The following ASCC3 variants were observed in gnomAD, a reference collection of about 807,000 sequenced individuals.
ASCC3 encodes ASC-1 complex subunit P200.
ASCC3 carries 158 observed loss-of-function variants against 256.3 expected under a neutral mutation model. The observed-to-expected ratio is 0.62, with a 90% confidence interval of 0.54 to 0.70. ASCC3 has a LOEUF of 0.70. Ranked by LOEUF, ASCC3 falls within the 30% of genes least tolerant of loss-of-function variation. The pLI, the probability that ASCC3 is intolerant of heterozygous loss-of-function variation, is 0.00. For synonymous variants in ASCC3, 948 were observed against 883.4 expected (o/e 1.07, Z -1.30); for missense variants, 2,259 against 2,626.0 (o/e 0.86, Z 3.05).
intron 8 of ASCC3, among the ~76,000 whole-genome samples, chr6:100,796,201 T>A (rs1203242296): frequency 6.6e-6 from 1 of 152,198 alleles, no homozygotes; most frequent in Non-Finnish European, 1.5e-5. Context: ...CACCAAATGC[T>A]GGTTAGTATG....
At chr6:100,750,347 C>T (rs1285676864) in intron 10 of ASCC3, among the ~76,000 whole-genome samples, 2 of 151,780 alleles carry the variant, frequency 1.3e-5, no homozygotes, top group Non-Finnish European at 2.9e-5. Flanking sequence ...TGGAGAATGC[C>T]CTTATGTTTT....
At chr6:100,647,818 T>C (rs1775458362) in intron 20 of ASCC3, among the ~76,000 whole-genome samples, 1 of 151,944 alleles carries the variant, frequency 6.6e-6, no homozygotes, top group South Asian at 2.1e-4. Flanking sequence ...AATAGTGGAA[T>C]GATTAAATTT....
chr6:100,710,772 G>T (rs1032796215), intron 13 of ASCC3, among the ~76,000 whole-genome samples: 18 of 152,054 alleles, frequency 1.2e-4, no homozygotes, highest in Admixed American at 7.2e-4. Flanking sequence ...AACATTTGGG[G>T]ATACAGCTGC....
At chr6:100,662,129 A>C in intron 15 of ASCC3, 99 bp from the exon 16 acceptor site, 2 of 1,262,156 alleles carry the variant, frequency 1.6e-6, no homozygotes, top group South Asian at 2.5e-5. Context: ...AAGATCTCAA[A>C]AGTGTACTTT....
intron 24 of ASCC3, among the ~76,000 whole-genome samples, chr6:100,640,943 A>G (rs910825500): frequency 6.6e-6 from 1 of 152,174 alleles, no homozygotes; most frequent in African/African-American, 2.4e-5. Flanking sequence ...CTATATTTTT[A>G]TTCTGAAAAT....
At position 100,662,554 on chromosome 6, in the gene ASCC3, G is replaced by T; in HGVS notation, c.2287-18C>A. On this transcript the variant is annotated intron_variant, in intron 14 of 41. Coordinates refer to ENST00000369162, the MANE Select transcript of ASCC3 (RefSeq NM_006828.4). ...CTTTGTACCTAGATACCAAGAAAGC[G>T]TAAGAGTATTATTTAGCATTTAAAA... 6.2e-7 allele frequency: 1 copy of T among 1,610,144 alleles called. No individual in the cohort carries two copies. The highest frequency in any genetic ancestry group is 8.5e-7 in the Non-Finnish European group (1 of 1,177,022).
intron 37 of ASCC3, among the ~76,000 whole-genome samples, chr6:100,528,099 C>T (rs74957738): frequency 2.0e-5 from 3 of 151,998 alleles, no homozygotes; most frequent in East Asian, 1.9e-4. Context: ...TCAGCTCCCC[C>T]CTGTTGGGAT....
At chr6:100,658,437 GTA>G (rs1342802492) in intron 16 of ASCC3, among the ~76,000 whole-genome samples, 1 of 151,246 alleles carries the variant, frequency 6.6e-6, no homozygotes, top group Non-Finnish European at 1.5e-5. Flanking sequence ...ATCATCATGA[GTA>G]TGCATGCGTG....
chr6:100,822,839 T>C (rs1248067109), intron 4 of ASCC3, among the ~76,000 whole-genome samples: 2 of 152,176 alleles, frequency 1.3e-5, no homozygotes, highest in South Asian at 4.1e-4. Flanking sequence ...AAATAATTTA[T>C]CATGGCAGAG....
intron 4 of ASCC3, among the ~76,000 whole-genome samples, chr6:100,822,824 T>A (rs1434718675): frequency 1.3e-5 from 2 of 152,160 alleles, no homozygotes; most frequent in African/African-American, 4.8e-5. Context: ...ATTTCTTCCA[T>A]AAGAAAATAA....
intron 36 of ASCC3, among the ~76,000 whole-genome samples, chr6:100,582,741 A>C (rs1771367432): frequency 6.6e-6 from 1 of 151,998 alleles, no homozygotes; most frequent in Non-Finnish European, 1.5e-5. Context: ...GATAGCTCTT[A>C]TTATTTTGAG....
intron 10 of ASCC3, among the ~76,000 whole-genome samples, chr6:100,734,781 T>TTATTATTTATTTATTAAAATAAATAAAA (rs1780071157): frequency 1.3e-5 from 2 of 152,176 alleles, no homozygotes; most frequent in Admixed American, 6.6e-5. Context: ...AGCAAGGTAG[T>TTATTATTTATTTATTAAAATAAATAAAA]AGCCCAAAGT....
intron 37 of ASCC3, among the ~76,000 whole-genome samples, chr6:100,520,092 T>C (rs1396663059): frequency 6.6e-6 from 1 of 152,164 alleles, no homozygotes; most frequent in Non-Finnish European, 1.5e-5. Context: ...CCCACTGCTT[T>C]AGTGCAGACC....
intron 4 of ASCC3, among the ~76,000 whole-genome samples, chr6:100,816,050 G>A (rs566084630): frequency 1.3e-5 from 2 of 151,618 alleles, no homozygotes; most frequent in African/African-American, 2.4e-5. Flanking sequence ...TACAAGGAAC[G>A]TAAATTAACA....
chr6:100,736,501 C>CAA (rs34957642), intron 10 of ASCC3, among the ~76,000 whole-genome samples: 3 of 142,198 alleles, frequency 2.1e-5, no homozygotes, highest in East Asian at 2.0e-4. Context: ...AACTCCATTT[C>CAA]AAAAAAAAAA....
At position 100,646,512 on chromosome 6, in the gene ASCC3, A is replaced by C; in HGVS notation, c.3633+103T>G. The C allele has an allele frequency of 2.4e-6, 3 of 1,248,054 alleles. No homozygotes were observed. In the South Asian group the frequency reaches 4.1e-5, roughly 17 times the overall value. The allele number at this position is 1,248,054 out of a possible 1,614,324, so 77.3% of individuals were successfully genotyped here. ...TTTTTAAAATAAATCCTCAATATAT[A>C]TTCTTTTTAGAGGATTTTCTATATG... is the stretch of plus-strand genomic sequence containing the variant. On this transcript the variant is annotated intron_variant, in intron 22 of 41. Coordinates refer to ENST00000369162, the MANE Select transcript of ASCC3 (RefSeq NM_006828.4).
At chr6:100,804,857 G>C (rs1297043841) in intron 5 of ASCC3, among the ~76,000 whole-genome samples, 1 of 152,072 alleles carries the variant, frequency 6.6e-6, no homozygotes, top group Non-Finnish European at 1.5e-5. Flanking sequence ...TTCTCAAAGA[G>C]CTTAAGACAG....
At chr6:100,622,240 G>C (rs1290115526) in intron 30 of ASCC3, among the ~76,000 whole-genome samples, 1 of 151,964 alleles carries the variant, frequency 6.6e-6, no homozygotes, top group Non-Finnish European at 1.5e-5. Context: ...ATCGTTAACT[G>C]TAATCCCCAT....
At chr6:100,808,734 TAAC>T (rs1345527553) in intron 4 of ASCC3, among the ~76,000 whole-genome samples, 1 of 151,976 alleles carries the variant, frequency 6.6e-6, no homozygotes, top group Admixed American at 6.6e-5. Context: ...ATGTGTCACT[TAAC>T]AACACATATC....
Sources: gnomAD v4.1 joint callset for allele counts (sites outside exome capture counted in the v4.1 genomes callset) on GRCh38, gnomAD v4.1.1 for gene constraint, MANE v1.5 for transcripts, NCBI Gene and HGNC (gene_info 2026-07-23, HGNC 2026-07-21) for gene names.